Variants in ADGRB3 observed in about 807,000 individuals in gnomAD.
ADGRB3 encodes the protein brain-specific angiogenesis inhibitor 3.
Under a neutral mutation model 193.4 loss-of-function variants are expected in ADGRB3, and 37 were observed. The ratio of observed to expected loss-of-function variants is 0.19; its 90% CI spans 0.15 to 0.25. The LOEUF (loss-of-function observed/expected upper bound fraction) is 0.25. ADGRB3 is among the 10% of genes least tolerant of loss of function. The pLI is 1.00. For missense variants in ADGRB3, 1,637 were observed against 1,852.9 expected (o/e 0.88, Z 2.14); for synonymous variants, 690 against 644.2 (o/e 1.07, Z -1.08).
intron 3 of ADGRB3, among the ~76,000 whole-genome samples, chr6:68,789,432 A>C (rs1025645909): frequency 6.6e-6 from 1 of 152,184 alleles, no homozygotes; most frequent in African/African-American, 2.4e-5. Flanking sequence ...TTGGCTAGAT[A>C]TGAAATTCTG....
intron 3 of ADGRB3, among the ~76,000 whole-genome samples, chr6:68,839,996 T>C (rs907052695): frequency 6.6e-6 from 1 of 152,048 alleles, no homozygotes; most frequent in African/African-American, 2.4e-5. Context: ...CAGGTGCCCA[T>C]AGAAGCAGCA....
At chr6:69,104,635 G>A (rs1773160081) in intron 17 of ADGRB3, among the ~76,000 whole-genome samples, 1 of 151,752 alleles carries the variant, frequency 6.6e-6, no homozygotes, top group South Asian at 2.1e-4. Context: ...ATATAGTATG[G>A]GAAGCTGTCA....
chr6:68,642,650 A>G (rs2127276112), intron 3 of ADGRB3, among the ~76,000 whole-genome samples: 1 of 151,960 alleles, frequency 6.6e-6, no homozygotes, highest in East Asian at 1.9e-4. Context: ...TGGGGGTATC[A>G]TGTGATTATA....
At chr6:68,825,016 G>A (rs1294052611) in intron 3 of ADGRB3, among the ~76,000 whole-genome samples, 1 of 151,738 alleles carries the variant, frequency 6.6e-6, no homozygotes, top group Admixed American at 6.6e-5. Context: ...CACCACATCC[G>A]GCTAATTTTC....
intron 3 of ADGRB3, among the ~76,000 whole-genome samples, chr6:68,828,345 T>G (rs1437353388): frequency 6.6e-6 from 1 of 152,184 alleles, no homozygotes; most frequent in Non-Finnish European, 1.5e-5. Flanking sequence ...TTCTAGCACA[T>G]TTTCCAAAAA....
intron 3 of ADGRB3, among the ~76,000 whole-genome samples, chr6:68,903,658 CT>C (rs1223557470): frequency 6.6e-6 from 1 of 151,992 alleles, no homozygotes; most frequent in African/African-American, 2.4e-5. Context: ...GCTCCTGTGC[CT>C]AACTGCTGTC....
At chr6:69,150,768 C>G (rs1055197650) in intron 17 of ADGRB3, among the ~76,000 whole-genome samples, 1 of 152,306 alleles carries the variant, frequency 6.6e-6, no homozygotes, top group East Asian at 1.9e-4. Flanking sequence ...TGTGTACTAC[C>G]TGGTTATTGC....
intron 3 of ADGRB3, among the ~76,000 whole-genome samples, chr6:68,746,868 A>G (rs1766095655): frequency 1.3e-5 from 2 of 151,894 alleles, no homozygotes; most frequent in Non-Finnish European, 2.9e-5. Context: ...CCCATAGTCC[A>G]TTTGCTTTCC....
At chr6:68,785,384 C>T (rs914885495) in intron 3 of ADGRB3, among the ~76,000 whole-genome samples, 14 of 146,878 alleles carry the variant, frequency 9.5e-5, no homozygotes, top group African/African-American at 3.5e-4. Flanking sequence ...TCAATTCCCA[C>T]CTATGAGTGA....
chr6:69,122,291 A>G (rs1277109460), intron 17 of ADGRB3, among the ~76,000 whole-genome samples: 1 of 151,576 alleles, frequency 6.6e-6, no homozygotes, highest in African/African-American at 2.4e-5. Context: ...TCCTCCAAAA[A>G]TACAAAAACC....
chr6:69,028,525 T>C (rs1204412123), intron 13 of ADGRB3, among the ~76,000 whole-genome samples: 1 of 152,204 alleles, frequency 6.6e-6, no homozygotes, highest in African/African-American at 2.4e-5. Flanking sequence ...CATGTTATGA[T>C]GTTTCAATTT....
intron 17 of ADGRB3, among the ~76,000 whole-genome samples, chr6:69,145,875 T>C (rs1195335398): frequency 3.9e-5 from 6 of 152,052 alleles, no homozygotes; most frequent in Non-Finnish European, 8.8e-5. Flanking sequence ...CCGACCTCTC[T>C]TCATGTCTGG....
At chr6:68,926,968 A>G (rs1215699666) in intron 3 of ADGRB3, among the ~76,000 whole-genome samples, 2 of 152,148 alleles carry the variant, frequency 1.3e-5, no homozygotes, top group Non-Finnish European at 2.9e-5. Context: ...CTTTGATTGT[A>G]TCTGACTTCC....
intron 4 of ADGRB3, among the ~76,000 whole-genome samples, chr6:68,935,746 C>T (rs2150248036): frequency 6.6e-6 from 1 of 152,128 alleles, no homozygotes; most frequent in Non-Finnish European, 1.5e-5. Context: ...AGAAATTCGA[C>T]ATAGTTTTAT....
chr6:69,389,178 A>G lies in ADGRB3; in HGVS notation c.*287A>G, dbSNP rs1337475854. On this transcript the variant is annotated 3_prime_UTR_variant, in exon 32 of 32. Coordinates refer to ENST00000370598, the MANE Select transcript of ADGRB3 (RefSeq NM_001704.3). ...CAACGATTCATGTTGTAACCGCTTC[A>G]TATGGTTTAGTTTTCAAAAAACTTC... The G allele has an allele frequency of 1.3e-5, 3 of 222,818 alleles. No homozygotes were observed. Among genetic ancestry groups the G allele is most frequent in the Admixed American group, 5.2e-5 (1 of 19,262 alleles). The allele number at this position is 222,818 out of a possible 1,614,324, so 13.8% of individuals were successfully genotyped here.
intron 3 of ADGRB3, among the ~76,000 whole-genome samples, chr6:68,893,357 G>T (rs146995850): frequency 1.4e-4 from 22 of 151,998 alleles, no homozygotes; most frequent in African/African-American, 4.8e-4. Flanking sequence ...GAAATTGATG[G>T]TGCAATATTT....
chr6:69,013,098 C>T (rs1321742717), intron 11 of ADGRB3, among the ~76,000 whole-genome samples: 1 of 152,076 alleles, frequency 6.6e-6, no homozygotes, highest in Non-Finnish European at 1.5e-5. Flanking sequence ...AGCTCGCCTT[C>T]AAAGGCACGC....
chr6:69,359,471 G>A (rs1769400982), intron 28 of ADGRB3, among the ~76,000 whole-genome samples: 2 of 147,774 alleles, frequency 1.4e-5, no homozygotes, highest in South Asian at 4.2e-4. Flanking sequence ...AATTTAACAT[G>A]ATTTTTACTG....
chr6:69,186,925 G>T (rs1010719378), intron 17 of ADGRB3, among the ~76,000 whole-genome samples: 26 of 147,310 alleles, frequency 1.8e-4, no homozygotes, highest in African/African-American at 2.3e-4. Context: ...GTCATAGCAA[G>T]GTTTTTTTTT....
Sources: allele counts gnomAD v4.1 joint callset (sites outside exome capture counted in the v4.1 genomes callset), GRCh38; gene constraint gnomAD v4.1.1; transcripts MANE v1.5; gene names NCBI Gene and HGNC (gene_info 2026-07-23, HGNC 2026-07-21).